Variants in SCGN observed in about 807,000 individuals in gnomAD.
SCGN encodes secretagogin.
A neutral mutation model predicts 39.7 loss-of-function variants in SCGN; 30 were observed. That is an observed-to-expected ratio of 0.76 (90% confidence interval 0.57 to 1.03). The LOEUF (loss-of-function observed/expected upper bound fraction) is 1.03, where lower values mean the gene tolerates loss of function less well. Ranked by LOEUF, SCGN falls within the 50% of genes least tolerant of loss-of-function variation. The pLI is 0.00. For synonymous variants in SCGN, 106 were observed against 114.1 expected, an observed-to-expected ratio of 0.93 and a Z score of 0.45; for missense variants, 353 against 349.4, an observed-to-expected ratio of 1.01 and a Z score of -0.08.
At chr6:25,698,441 A>G (rs1442039350) in intron 10 of SCGN, among the ~76,000 whole-genome samples, 1 of 152,248 alleles carries the variant, frequency 6.6e-6, no homozygotes, top group Non-Finnish European at 1.5e-5. Flanking sequence ...CTAATGTGTA[A>G]ATGACTACCA....
At chr6:25,692,925 G>A (rs1034504297) in intron 10 of SCGN, among the ~76,000 whole-genome samples, 3 of 152,202 alleles carry the variant, frequency 2.0e-5, no homozygotes, top group Admixed American at 6.5e-5. Context: ...TAAAATGGGA[G>A]ACAGTGCTTT....
intron 2 of SCGN, among the ~76,000 whole-genome samples, chr6:25,654,329 G>A (rs1760188564): frequency 6.6e-6 from 1 of 152,214 alleles, no homozygotes; most frequent in African/African-American, 2.4e-5. Context: ...TATGTGGGGG[G>A]CAGGGGAAGC....
intron 2 of SCGN, among the ~76,000 whole-genome samples, chr6:25,656,361 G>A (rs1454138862): frequency 6.6e-6 from 1 of 152,172 alleles, no homozygotes; most frequent in Non-Finnish European, 1.5e-5. Context: ...TCAGAAGAAG[G>A]TATTTTGAGG....
intron 10 of SCGN, among the ~76,000 whole-genome samples, chr6:25,697,732 G>T (rs1561771375): frequency 6.6e-6 from 1 of 152,186 alleles, no homozygotes; most frequent in East Asian, 1.9e-4. Context: ...AAGGGAGACA[G>T]GTCAGCATTT....
chr6:25,665,079 G>A, intron 4 of SCGN, 47 bp downstream of exon 4: 1 of 1,453,088 alleles, frequency 6.9e-7, no homozygotes. Context: ...CTGAGACAAG[G>A]CTACGATCTT....
chr6:25,657,284 G>T (rs751178258), intron 2 of SCGN, among the ~76,000 whole-genome samples: 22 of 152,130 alleles, frequency 1.4e-4, no homozygotes, highest in Non-Finnish European at 2.5e-4. Context: ...GGTGGGGAAA[G>T]GACAACTATG....
Position 25,701,365 on chromosome 6 carries a change from T to C in SCGN, c.*30T>C. ...AGACTGCTTTGCCTTTTGCTCTTACTATGTTTCTGTGATCTTGCTGGTAGA... is the reference window on the plus strand; with the variant it reads ...AGACTGCTTTGCCTTTTGCTCTTACCATGTTTCTGTGATCTTGCTGGTAGA... On this transcript the variant is annotated 3_prime_UTR_variant, in exon 11 of 11. Transcript: ENST00000377961. 1 of 1,600,298 alleles carries C rather than the reference T, an allele frequency of 6.2e-7. No homozygotes were observed. The highest frequency in any genetic ancestry group is 8.5e-7 in the Non-Finnish European group (1 of 1,173,784).
chr6:25,676,819 G>A (rs1582581147), intron 6 of SCGN, among the ~76,000 whole-genome samples: 1 of 152,268 alleles, frequency 6.6e-6, no homozygotes, highest in South Asian at 2.1e-4. Flanking sequence ...ATGAGAGCAT[G>A]AATCTTTGTT....
chr6:25,698,566 A>T (rs78372035), intron 10 of SCGN, among the ~76,000 whole-genome samples: 5,066 of 152,322 alleles, frequency 0.033, 224 homozygotes, highest in African/African-American at 0.097. Context: ...CCCACATTGC[A>T]CTGTACAACA....
At chr6:25,682,629 TAGTC>T (rs1388329286) in intron 7 of SCGN, among the ~76,000 whole-genome samples, 6 of 152,130 alleles carry the variant, frequency 3.9e-5, no homozygotes, top group African/African-American at 9.7e-5. Context: ...TCTGAGCAAA[TAGTC>T]AGAGTTGAAA....
intron 4 of SCGN, among the ~76,000 whole-genome samples, chr6:25,668,574 G>T (rs533294687): frequency 1.3e-5 from 2 of 152,156 alleles, no homozygotes; most frequent in Non-Finnish European, 2.9e-5. Flanking sequence ...TTTTAGTTTT[G>T]AAGTTTTAGT....
rs200614922 is a variant in SCGN at position 25,653,337 on chromosome 6, T to TC, written c.83-45_83-44insC. 2,629 of 1,269,070 alleles carry TC rather than the reference T, an allele frequency of 2.1e-3. 34 individuals carry two copies. The African/African-American group carries it at 0.032, about 15-fold the overall frequency. 78.6% of individuals were successfully genotyped at this position (1,269,070 alleles called of 1,614,324 possible). Reference sequence around the variant, plus strand: ...ATATTTAGATAAATACTGTCATGTGTTTTTTATATGTTAGTATTATTTATG... The same window carrying TC: ...ATATTTAGATAAATACTGTCATGTGTCTTTTTATATGTTAGTATTATTTATG... On this transcript the variant is annotated intron_variant, in intron 1 of 10. Transcript: ENST00000377961.
At chr6:25,695,004 AG>A (rs1340597676) in intron 10 of SCGN, among the ~76,000 whole-genome samples, 2 of 152,242 alleles carry the variant, frequency 1.3e-5, no homozygotes, top group Non-Finnish European at 2.9e-5. Context: ...AGTCTGGGTC[AG>A]GGTTTTTGGT....
At chr6:25,657,063 A>G (rs115809796) in intron 2 of SCGN, among the ~76,000 whole-genome samples, 4,313 of 152,276 alleles carry the variant, frequency 0.028, 92 homozygotes, top group Middle Eastern at 0.078. Context: ...CTTTTCCTGT[A>G]TGGTACATGA....
chr6:25,656,381 G>A (rs376886616), intron 2 of SCGN, among the ~76,000 whole-genome samples: 6 of 152,184 alleles, frequency 3.9e-5, no homozygotes, highest in African/African-American at 1.4e-4. Context: ...GTTTCTAACA[G>A]CAAGCTGCCT....
chr6:25,653,347 G>A, intron 1 of SCGN, 35 bp from the exon 2 acceptor site: 3 of 1,347,800 alleles, frequency 2.2e-6, no homozygotes, highest in Non-Finnish European at 3.2e-6. Flanking sequence ...TTTTTTATAT[G>A]TTAGTATTAT....
intron 10 of SCGN, among the ~76,000 whole-genome samples, chr6:25,691,670 G>A (rs28360622): frequency 0.2 from 29,996 of 152,112 alleles, 3,207 homozygotes; most frequent in Middle Eastern, 0.26. Flanking sequence ...AACCTTCTTC[G>A]AGGTCCTGTT....
At chr6:25,682,687 A>C (rs968471271) in intron 7 of SCGN, among the ~76,000 whole-genome samples, 1 of 152,216 alleles carries the variant, frequency 6.6e-6, no homozygotes, top group African/African-American at 2.4e-5. Flanking sequence ...ATTGGGGAGC[A>C]TCCATAATAC....
chr6:25,664,957 C>G lies in SCGN; in HGVS notation c.261C>G (p.Phe87Leu). Residue 87 changes from phenylalanine to leucine, a missense_variant, in exon 4 of 11, where the codon TTC (phenylalanine) becomes TTG (leucine). Coordinates refer to ENST00000377961, the MANE Select transcript of SCGN (RefSeq NM_006998.4). ...RIRMKELAGMFLSEDENFLLL... is the reference protein window; with the variant it reads ...RIRMKELAGMLLSEDENFLLL... ...TGTTCCTTCAGCTTGCTGGTATGTT[C>G]TTATCTGAGGATGAAAACTTTCTTC... 6.2e-7 allele frequency: 1 copy of G among 1,613,744 alleles called. No homozygotes were observed. Among genetic ancestry groups the G allele is most frequent in the Non-Finnish European group, 8.5e-7 (1 of 1,179,682 alleles).
Sources: gnomAD v4.1 joint callset for allele counts (sites outside exome capture counted in the v4.1 genomes callset) on GRCh38, gnomAD v4.1.1 for gene constraint, MANE v1.5 for transcripts, NCBI Gene and HGNC (gene_info 2026-07-23, HGNC 2026-07-21) for gene names.